Variants in ZNF717 observed in about 807,000 individuals in gnomAD.
ZNF717 encodes krueppel-like factor X17.
A neutral mutation model predicts 13.8 loss-of-function variants in ZNF717; 9 were observed. The observed-to-expected ratio is 0.65, with a 90% CI of 0.39 to 1.14. The LOEUF (loss-of-function observed/expected upper bound fraction) is 1.14. ZNF717 is among the 50% of genes most tolerant of loss of function. The pLI, the probability that ZNF717 is intolerant of heterozygous loss-of-function variation, is 0.01. For missense variants in ZNF717, 1,040 were observed against 1,080.7 expected, an observed-to-expected ratio of 0.96 and a Z score of 0.53; for synonymous variants, 327 against 364.1, an observed-to-expected ratio of 0.90 and a Z score of 1.16.
At chr3:75,735,076 CA>C (rs1938996411), downstream of ZNF717, among the ~76,000 whole-genome samples, 2 of 152,212 alleles carry the variant, frequency 1.3e-5, no homozygotes, top group South Asian at 4.1e-4. Flanking sequence ...CCACCTGTCT[CA>C]GCCTCCCAAA....
chr3:75,749,756 A>G (rs1323409783), intron 2 of ZNF717, among the ~76,000 whole-genome samples: 8 of 151,530 alleles, frequency 5.3e-5, no homozygotes, highest in East Asian at 2.0e-4. Context: ...AGGACTCCAG[A>G]ACAATGCTGC....
In ZNF717 at chr3:75,736,897, T is replaced by C. The variant is rs1412408547; in HGVS notation, c.2726A>G (p.Asn909Ser). 3 of 1,550,694 alleles carry C rather than the reference T, an allele frequency of 1.9e-6. No individual in the cohort carries two copies. Among genetic ancestry groups the C allele is most frequent in the South Asian group, 1.2e-5 (1 of 83,804 alleles). ...GTGTGTTCAAGGGAAAAAAGAGTGA[T>C]TTTGAGGGAACACATAGCCTGCCTC... is the stretch of plus-strand genomic sequence containing the variant. ...VAEAGYVFPQ[N>S]HSFFP is the part of the protein sequence containing the mutation. The change falls in exon 5 of 5, where the codon AAT becomes AGT. Residue 909 changes from asparagine to serine, a missense_variant. This residue lies in a region of ZNF717 where 44 missense variants were observed against 70.1 expected (regional missense o/e 0.63). Coordinates refer to ENST00000652011, the MANE Select transcript of ZNF717 (RefSeq NM_001290208.3).
At chr3:75,728,315 T>C (rs1162502512), downstream of ZNF717, among the ~76,000 whole-genome samples, 1 of 152,148 alleles carries the variant, frequency 6.6e-6, no homozygotes, top group Non-Finnish European at 1.5e-5. Context: ...CTTTAGGAGG[T>C]TTATTTGCCA....
At chr3:75,725,557 G>C (rs1938262477), downstream of ZNF717, among the ~76,000 whole-genome samples, 1 of 152,192 alleles carries the variant, frequency 6.6e-6, no homozygotes, top group Admixed American at 6.5e-5. Flanking sequence ...CTATTCTCAT[G>C]CTGCTAATAT....
At chr3:75,778,835 G>C (rs992625959) in intron 2 of ZNF717, among the ~76,000 whole-genome samples, 6 of 139,692 alleles carry the variant, frequency 4.3e-5, no homozygotes, top group African/African-American at 1.7e-4. Context: ...TAATGGGAGT[G>C]AGGTGCTAAA....
chr3:75,735,609 C>T (rs1939077269), downstream of ZNF717, among the ~76,000 whole-genome samples: 2 of 146,460 alleles, frequency 1.4e-5, no homozygotes, highest in Non-Finnish European at 3.0e-5. Context: ...CACACCACTG[C>T]ACTCCAGCCT....
Position 75,738,410 on chromosome 3 carries a change from T to A in ZNF717, c.1213A>T (p.Ser405Cys). The stretch of plus-strand genomic sequence containing the variant: ...TGTATTGTGAGGTATGACTTCTGGC[T>A]AAAGGTTTTTCCACATTCACTACAC... The part of the protein sequence containing the change: ...YQCSECGKTF[S>C]QKSYLTIHHR... Residue 405 changes from serine to cysteine, a missense_variant, in exon 5 of 5, where the codon AGC becomes TGC. Coordinates refer to ENST00000652011, the MANE Select transcript of ZNF717 (RefSeq NM_001290208.3). 6.5e-7 allele frequency: 1 copy of A among 1,532,296 alleles called. No individual in the cohort carries two copies. 94.9% of individuals were successfully genotyped at this position (1,532,296 alleles called of 1,614,324 possible). A position where few individuals can be genotyped will look rare whatever the true frequency, so the allele number is the denominator to read the frequency against.
intron 6 of ZNF717, among the ~76,000 whole-genome samples, chr3:75,698,074 G>GA (rs1264039530): frequency 2.4e-4 from 37 of 152,252 alleles, no homozygotes; most frequent in African/African-American, 8.7e-4. Flanking sequence ...GTTTCTGTTG[G>GA]AAAAATGTCT....
intron 2 of ZNF717, among the ~76,000 whole-genome samples, chr3:75,755,604 T>A (rs1230042558): frequency 2.0e-5 from 3 of 152,232 alleles, no homozygotes; most frequent in Non-Finnish European, 4.4e-5. Flanking sequence ...TCAGGTGTTT[T>A]CTTTGTTAAG....
chr3:75,721,509 G>A (rs75772059), intron 4 of ZNF717, among the ~76,000 whole-genome samples: 1 of 152,156 alleles, frequency 6.6e-6, no homozygotes, highest in Non-Finnish European at 1.5e-5. Context: ...TTGAACTCCT[G>A]ACCTCAGGTA....
intron 2 of ZNF717, among the ~76,000 whole-genome samples, chr3:75,745,959 G>T (rs1941132197): frequency 6.6e-6 from 1 of 151,830 alleles, no homozygotes; most frequent in South Asian, 2.1e-4. Context: ...GTGCCATGTT[G>T]GTGTGCTGCA....
At chr3:75,707,756 C>G (rs1354703105), downstream of ZNF717, among the ~76,000 whole-genome samples, 1 of 152,068 alleles carries the variant, frequency 6.6e-6, no homozygotes, top group Non-Finnish European at 1.5e-5. Context: ...CACCCTAATA[C>G]TGCGCTTTTC....
At chr3:75,719,970 AAAT>A (rs200443242) in intron 4 of ZNF717, among the ~76,000 whole-genome samples, 67 of 146,192 alleles carry the variant, frequency 4.6e-4, no homozygotes, top group African/African-American at 1.0e-3. Flanking sequence ...AAATAATAAT[AAAT>A]AATAATAATA....
intron 2 of ZNF717, among the ~76,000 whole-genome samples, chr3:75,762,612 T>C (rs992780284): frequency 2.0e-5 from 3 of 152,118 alleles, no homozygotes; most frequent in Non-Finnish European, 4.4e-5. Context: ...GATGATTTCA[T>C]CTTGGAATGA....
intron 2 of ZNF717, among the ~76,000 whole-genome samples, chr3:75,752,666 C>T (rs77463201): frequency 3.3e-5 from 5 of 149,620 alleles, no homozygotes; most frequent in East Asian, 2.0e-4. Flanking sequence ...TTCCAGAACA[C>T]TGCTACAAGG....
At chr3:75,720,053 AAGAATGTAAAT>A (rs1251530931) in intron 4 of ZNF717, among the ~76,000 whole-genome samples, 1 of 151,870 alleles carries the variant, frequency 6.6e-6, no homozygotes, top group Non-Finnish European at 1.5e-5. Flanking sequence ...CACTCTTGGT[AAGAATGTAAAT>A]TAGTTCAGCC....
intron 2 of ZNF717, among the ~76,000 whole-genome samples, chr3:75,782,747 C>T (rs990583521): frequency 6.6e-6 from 1 of 150,888 alleles, no homozygotes; most frequent in Non-Finnish European, 1.5e-5. Context: ...CACAACATGC[C>T]GTGCTTTAGC....
chr3:75,755,037 G>A (rs1942346029), intron 2 of ZNF717, among the ~76,000 whole-genome samples: 1 of 152,138 alleles, frequency 6.6e-6, no homozygotes, highest in African/African-American at 2.4e-5. Context: ...ACAGTGAAAT[G>A]GAAAATTCAA....
chr3:75,769,654 T>C (rs887308026), intron 2 of ZNF717, among the ~76,000 whole-genome samples: 4 of 152,216 alleles, frequency 2.6e-5, no homozygotes, highest in Non-Finnish European at 2.9e-5. Flanking sequence ...GAATGGAGCA[T>C]AGTTAATATT....
Sources: allele counts gnomAD v4.1 joint callset (sites outside exome capture counted in the v4.1 genomes callset), GRCh38; gene constraint gnomAD v4.1.1; regional missense constraint gnomAD v4.1.1; transcripts MANE v1.5; gene names NCBI Gene and HGNC (gene_info 2026-07-23, HGNC 2026-07-21).